GNB4: variants seen among roughly 807,000 people sequenced by gnomAD.
GNB4 encodes the protein G protein subunit beta 4, also known as guanine nucleotide-binding protein subunit beta-4.
Under a neutral mutation model 45.2 loss-of-function variants are expected in GNB4, and 28 were observed. The ratio of observed to expected loss-of-function variants is 0.62; its 90% CI spans 0.46 to 0.85. GNB4 has a LOEUF of 0.85. GNB4 is among the 40% of genes least tolerant of loss of function. The probability of loss-of-function intolerance (pLI) is 0.00; values close to 1 mark genes in which losing one functional copy is unlikely to be tolerated. For synonymous variants in GNB4, 132 were observed against 143.7 expected (o/e 0.92, Z 0.58); for missense variants, 321 against 425.4 (o/e 0.75, Z 2.16).
chr3:179,513,286 C>A, the GNB4 span, among the ~76,000 whole-genome samples: 3 of 148,078 alleles, frequency 2.0e-5, 1 homozygote, highest in African/African-American at 7.5e-5. Context: ...TGGGCTTAAG[C>A]AAGCCTCCCA....
chr3:179,418,480 A>G (rs1484154240), intron 4 of GNB4, among the ~76,000 whole-genome samples: 1 of 142,976 alleles, frequency 7.0e-6, no homozygotes, highest in African/African-American at 2.5e-5. Context: ...CAAAAAAAAA[A>G]AAAAAAAAGA....
At chr3:179,416,680 C>T (rs925193703) in intron 4 of GNB4, 124 bp from the exon 5 acceptor site, 28 of 505,274 alleles carry the variant, frequency 5.5e-5, no homozygotes, top group Non-Finnish European at 9.3e-5. Flanking sequence ...AAACTTGATA[C>T]CAAAAAATGT....
chr3:179,506,424 T>C, the GNB4 span, among the ~76,000 whole-genome samples: 1 of 152,180 alleles, frequency 6.6e-6, no homozygotes, highest in East Asian at 1.9e-4. Context: ...GTGAGTGATG[T>C]TTAAAATGTG....
chr3:179,461,239 A>T, the GNB4 span, among the ~76,000 whole-genome samples: 8 of 152,158 alleles, frequency 5.3e-5, no homozygotes, highest in African/African-American at 9.7e-5. Context: ...TATAATTTTT[A>T]AAAATGATTT....
rs1163745898 is a variant in GNB4, at chr3:179,400,356, T to A, written c.*857A>T. 6.6e-6 allele frequency: 1 copy of A among 152,184 alleles called. No individual in the cohort carries two copies. Among genetic ancestry groups the A allele is most frequent in the Non-Finnish European group, 1.5e-5 (1 of 68,040 alleles). 9.4% of individuals were successfully genotyped at this position (152,184 alleles called of 1,614,324 possible). A position where few individuals can be genotyped will look rare whatever the true frequency, so the allele number is the denominator to read the frequency against. ...TTCAGATGCAGGGACAATCCCAATG[T>A]TTACCAAACTTCTGAAAGATGAGTA... On this transcript the variant is annotated 3_prime_UTR_variant, in exon 10 of 10. Transcript: ENST00000232564.
At chr3:179,439,232 A>C (rs1233164535) in intron 1 of GNB4, among the ~76,000 whole-genome samples, 1 of 152,196 alleles carries the variant, frequency 6.6e-6, no homozygotes, top group East Asian at 1.9e-4. Context: ...GTGTGATTGG[A>C]GGAAAGTTCA....
intron 9 of GNB4, among the ~76,000 whole-genome samples, chr3:179,403,680 C>G (rs1400279195): frequency 2.6e-5 from 4 of 151,772 alleles, no homozygotes; most frequent in Non-Finnish European, 4.4e-5. Flanking sequence ...GTAATCCCAG[C>G]TAGTCTACTC....
At position 179,405,387 on chromosome 3, in the gene GNB4, G is replaced by C; in HGVS notation, c.719C>G (p.Ala240Gly). ...GGCATCATCAGAGCCAGTGGCGAAG[G>C]CATATCCATTTGGGAAAAACTAGAC... ...NAVSFFPNGY[A>G]FATGSDDATC... is the part of the protein sequence containing the mutation. The change falls in exon 9 of 10, where the codon GCC becomes GGC. Residue 240 changes from alanine (A) to glycine (G), a missense_variant. Coordinates refer to ENST00000232564, the MANE Select transcript of GNB4 (RefSeq NM_021629.4). 6.2e-7 allele frequency: 1 copy of C among 1,611,160 alleles called. No homozygotes were observed. Among genetic ancestry groups the C allele is most frequent in the South Asian group, 1.1e-5 (1 of 90,802 alleles).
intron 8 of GNB4, among the ~76,000 whole-genome samples, chr3:179,406,256 A>G (rs1244676582): frequency 2.6e-5 from 4 of 152,160 alleles, no homozygotes; most frequent in African/African-American, 7.2e-5. Context: ...TGTTTCTTGC[A>G]TACAACATTA....
intron 1 of GNB4, among the ~76,000 whole-genome samples, chr3:179,449,542 C>G (rs1198633263): frequency 6.6e-6 from 1 of 152,200 alleles, no homozygotes; most frequent in Non-Finnish European, 1.5e-5. Context: ...ACAGAGGGGT[C>G]TTGCTTCGAA....
chr3:179,416,439 G>C, intron 5 of GNB4, 54 bp downstream of exon 5: 2 of 1,053,896 alleles, frequency 1.9e-6, no homozygotes, highest in Non-Finnish European at 2.9e-6. Flanking sequence ...GAAAGAACTG[G>C]TGAACAGCCA....
chr3:179,491,870 C>A, the GNB4 span, among the ~76,000 whole-genome samples: 2 of 152,174 alleles, frequency 1.3e-5, no homozygotes, highest in Non-Finnish European at 2.9e-5. Context: ...AGCTAGGTAT[C>A]AATGTAATAT....
intron 1 of GNB4, among the ~76,000 whole-genome samples, chr3:179,427,518 T>C (rs1346141224): frequency 6.7e-6 from 1 of 149,932 alleles, no homozygotes; most frequent in Non-Finnish European, 1.5e-5. Context: ...GGCAAAAGAA[T>C]TGCTTGAATC....
the GNB4 span, among the ~76,000 whole-genome samples, chr3:179,493,713 A>G: frequency 0.018 from 2,786 of 152,286 alleles, 48 homozygotes; most frequent in Non-Finnish European, 0.027. Flanking sequence ...CCTCTGTGCC[A>G]TGAAAACCAA....
chr3:179,483,523 AAAAGAAAG>A, the GNB4 span, among the ~76,000 whole-genome samples: 1 of 152,246 alleles, frequency 6.6e-6, no homozygotes, highest in East Asian at 1.9e-4. Flanking sequence ...ATAAAAGCTT[AAAAGAAAG>A]AAAGAAAGAA....
chr3:179,443,549 A>G (rs555496960), intron 1 of GNB4, among the ~76,000 whole-genome samples: 1 of 152,282 alleles, frequency 6.6e-6, no homozygotes, highest in East Asian at 1.9e-4. Flanking sequence ...AAAACAGGTA[A>G]AATATCTTAA....
chr3:179,419,283 T>C (rs1384892510), intron 4 of GNB4, 116 bp downstream of exon 4: 6 of 725,022 alleles, frequency 8.3e-6, no homozygotes, highest in East Asian at 5.1e-5. Flanking sequence ...AGATGCATTT[T>C]CTGCAAACGC....
chr3:179,468,052 A>ATATATATATATATATATATATAT, the GNB4 span, among the ~76,000 whole-genome samples: 6 of 139,458 alleles, frequency 4.3e-5, no homozygotes, highest in East Asian at 2.1e-4. Context: ...ATATATATAG[A>ATATATATATATATATATATATAT]ACAGGTGTGG....
At chr3:179,467,647 T>A in the GNB4 span, among the ~76,000 whole-genome samples, 1 of 152,130 alleles carries the variant, frequency 6.6e-6, no homozygotes, top group South Asian at 2.1e-4. Context: ...ATAGTTGTTT[T>A]GGAGAAAGTA....
Sources: allele counts gnomAD v4.1 joint callset (sites outside exome capture counted in the v4.1 genomes callset), GRCh38; gene constraint gnomAD v4.1.1; transcripts MANE v1.5; gene names NCBI Gene and HGNC (gene_info 2026-07-23, HGNC 2026-07-21).